The following RBFOX1 variants were observed in gnomAD, a reference collection of about 807,000 sequenced individuals.
RBFOX1 encodes the protein RNA binding protein fox-1 homolog 1.
A neutral mutation model predicts 57.7 loss-of-function variants in RBFOX1; 8 were observed. The observed-to-expected ratio is 0.14, with a 90% CI of 0.08 to 0.25. The LOEUF is 0.25. Among genes scored for constraint, RBFOX1 ranks in the 10% least tolerant of loss-of-function variants. RBFOX1 has a pLI of 1.00. For missense variants in RBFOX1, 611 were observed against 548.5 expected, an observed-to-expected ratio of 1.11 and a Z score of -1.14; for synonymous variants, 326 against 222.4, an observed-to-expected ratio of 1.47 and a Z score of -4.15.
chr16:7,033,942 C>T (rs1227028593), intron 3 of RBFOX1, among the ~76,000 whole-genome samples: 3 of 152,284 alleles, frequency 2.0e-5, no homozygotes, highest in Non-Finnish European at 2.9e-5. Flanking sequence ...GCATTTCAGG[C>T]TGGGTGACCA....
chr16:7,497,240 G>A (rs2068971475), intron 4 of RBFOX1, among the ~76,000 whole-genome samples: 1 of 152,124 alleles, frequency 6.6e-6, no homozygotes, highest in South Asian at 2.1e-4. Context: ...CCCAGTTCCT[G>A]CTAAATCTTC....
At chr16:7,329,257 A>G (rs2096652814) in intron 4 of RBFOX1, among the ~76,000 whole-genome samples, 2 of 152,172 alleles carry the variant, frequency 1.3e-5, no homozygotes, top group African/African-American at 4.8e-5. Flanking sequence ...TGTTTCAGGG[A>G]TCTGCCTGTT....
At chr16:6,365,445 T>A (rs1328994491) in intron 2 of RBFOX1, among the ~76,000 whole-genome samples, 1 of 139,288 alleles carries the variant, frequency 7.2e-6, no homozygotes, top group Non-Finnish European at 1.5e-5. Flanking sequence ...AGTGAATGGA[T>A]GGGTGGATGG....
intron 4 of RBFOX1, among the ~76,000 whole-genome samples, chr16:7,109,675 T>C (rs1284575789): frequency 6.6e-6 from 1 of 152,048 alleles, no homozygotes; most frequent in East Asian, 1.9e-4. Flanking sequence ...CTCCTTTATT[T>C]AAATACACCA....
intron 1 of RBFOX1, among the ~76,000 whole-genome samples, chr16:6,245,122 C>G (rs1394124906): frequency 2.0e-5 from 3 of 152,216 alleles, no homozygotes; most frequent in East Asian, 1.9e-4. Context: ...ATAGTAGAAA[C>G]TGATAGGTGT....
intron 3 of RBFOX1, among the ~76,000 whole-genome samples, chr16:6,838,968 G>C (rs2093302131): frequency 6.6e-6 from 1 of 151,740 alleles, no homozygotes; most frequent in East Asian, 1.9e-4. Context: ...AAGGGGAGGA[G>C]TGTATCCATC....
rs376648597 is a variant in RBFOX1 at position 6,980,999 on chromosome 16, C to A, written c.-15-71058C>A. 1.3e-4 allele frequency among the ~76,000 whole-genome samples: 17 copies of A among 131,380 alleles called. No homozygotes were observed. The South Asian group carries it at 3.0e-3, about 23-fold the overall frequency. 86.2% of individuals were successfully genotyped at this position (131,380 alleles called of 152,430 possible). ...TGGAGGTTGCAGTCTGCCGAGATCACGCCACTGCACTCCAGCCTGGGTGGC... is the reference window on the plus strand; with the variant it reads ...TGGAGGTTGCAGTCTGCCGAGATCAAGCCACTGCACTCCAGCCTGGGTGGC... On this transcript the variant is annotated intron_variant, in intron 3 of 15. Transcript: ENST00000550418.
intron 4 of RBFOX1, among the ~76,000 whole-genome samples, chr16:6,000,319 C>T (rs979531097): frequency 6.6e-6 from 1 of 152,148 alleles, no homozygotes; most frequent in African/African-American, 2.4e-5. Context: ...TCACAGCAGA[C>T]ATGATGAAGA....
chr16:7,348,214 C>T (rs1367719920), intron 4 of RBFOX1, among the ~76,000 whole-genome samples: 1 of 152,218 alleles, frequency 6.6e-6, no homozygotes, highest in African/African-American at 2.4e-5. Context: ...ATACATAAAC[C>T]ACAATCCGCT....
intron 3 of RBFOX1, among the ~76,000 whole-genome samples, chr16:6,817,945 G>T (rs1002021593): frequency 1.3e-5 from 2 of 152,120 alleles, no homozygotes; most frequent in African/African-American, 4.8e-5. Context: ...TCTCTGTTGG[G>T]CTTCAGAATG....
intron 4 of RBFOX1, among the ~76,000 whole-genome samples, chr16:7,213,340 G>A (rs557322888): frequency 6.6e-6 from 1 of 152,122 alleles, no homozygotes; most frequent in East Asian, 1.9e-4. Context: ...ACCAATTAAA[G>A]ATAATTTTAG....
chr16:6,328,932 A>G (rs1189790405), intron 2 of RBFOX1, among the ~76,000 whole-genome samples: 1 of 152,132 alleles, frequency 6.6e-6, no homozygotes, highest in African/African-American at 2.4e-5. Context: ...GGATCCAACC[A>G]ACAAGTGGGT....
At chr16:7,466,389 C>G (rs1218170436) in intron 4 of RBFOX1, among the ~76,000 whole-genome samples, 1 of 152,186 alleles carries the variant, frequency 6.6e-6, no homozygotes, top group African/African-American at 2.4e-5. Flanking sequence ...TCATTAAATT[C>G]ATACCACTTC....
intron 3 of RBFOX1, among the ~76,000 whole-genome samples, chr16:5,845,612 A>G (rs531762271): frequency 1.3e-5 from 2 of 152,294 alleles, no homozygotes; most frequent in African/African-American, 4.8e-5. Flanking sequence ...TTTCTTTGTT[A>G]TTCCCCATAA....
At chr16:5,717,249 C>G (rs1290221128) in intron 3 of RBFOX1, among the ~76,000 whole-genome samples, 1 of 152,108 alleles carries the variant, frequency 6.6e-6, no homozygotes, top group African/African-American at 2.4e-5. Context: ...TTGTGTGATA[C>G]AGCCTCGTTG....
At chr16:6,300,547 G>C (rs1015814271) in intron 1 of RBFOX1, among the ~76,000 whole-genome samples, 1 of 152,184 alleles carries the variant, frequency 6.6e-6, no homozygotes, top group African/African-American at 2.4e-5. Flanking sequence ...GTATTTAGCG[G>C]AGTACTCATT....
chr16:5,503,079 C>T (rs752999749), intron 2 of RBFOX1, among the ~76,000 whole-genome samples: 26 of 152,306 alleles, frequency 1.7e-4, no homozygotes, highest in Non-Finnish European at 3.4e-4. Context: ...GCTGGGGAAA[C>T]AGGGCACAGG....
chr16:6,501,724 A>G (rs1567463905), intron 2 of RBFOX1, among the ~76,000 whole-genome samples: 1 of 152,110 alleles, frequency 6.6e-6, no homozygotes, highest in African/African-American at 2.4e-5. Flanking sequence ...ACTGACCTGT[A>G]CTGGGCGCTG....
intron 4 of RBFOX1, among the ~76,000 whole-genome samples, chr16:7,170,807 C>T (rs939918140): frequency 1.3e-5 from 2 of 152,178 alleles, no homozygotes; most frequent in South Asian, 4.1e-4. Flanking sequence ...AAGGTGGTGA[C>T]AGAGCTTCCA....
Sources: allele counts gnomAD v4.1 joint callset (sites outside exome capture counted in the v4.1 genomes callset), GRCh38; gene constraint gnomAD v4.1.1; transcripts MANE v1.5; gene names NCBI Gene and HGNC (gene_info 2026-07-23, HGNC 2026-07-21).